The following FRMD4A variants were observed in gnomAD, a reference collection of about 807,000 sequenced individuals.
FRMD4A encodes the protein FERM domain-containing protein 4A.
A neutral mutation model predicts 129.1 loss-of-function variants in FRMD4A; 29 were observed. That is an observed-to-expected ratio of 0.22 (90% CI 0.17 to 0.31). FRMD4A has a LOEUF of 0.31. Among genes scored for constraint, FRMD4A ranks in the 10% least tolerant of loss-of-function variants. The probability of loss-of-function intolerance (pLI) is 1.00; values close to 1 mark genes in which losing one functional copy is unlikely to be tolerated. For synonymous variants in FRMD4A, 634 were observed against 571.6 expected (o/e 1.11, Z -1.56); for missense variants, 1,272 against 1,375.8 (o/e 0.92, Z 1.19).
intron 2 of FRMD4A, among the ~76,000 whole-genome samples, chr10:14,204,301 T>A (rs149274457): frequency 3.9e-5 from 6 of 152,144 alleles, no homozygotes; most frequent in Admixed American, 6.5e-5. Flanking sequence ...TGATGGTGCA[T>A]GCCTATAATC....
Position 14,020,233 on chromosome 10 carries a change from A to G in FRMD4A, c.46-161321T>C, listed in dbSNP as rs118074179. ...CTTCCTCTCACGAACCCAGCAGCAT[A>G]GCAGCAGCCAGAGACGCCCCAGAGT... On this transcript the variant is annotated intron_variant, in intron 2 of 24. Coordinates refer to ENST00000357447, the MANE Select transcript of FRMD4A (RefSeq NM_018027.5). Among the ~76,000 whole-genome samples, 456 of 152,310 alleles carry G rather than the reference A, an allele frequency of 3.0e-3. 6 individuals are homozygous for G. In the East Asian group the frequency reaches 0.06, roughly 20 times the overall value.
chr10:14,291,822 A>G (rs1347403194), intron 2 of FRMD4A, among the ~76,000 whole-genome samples: 1 of 151,862 alleles, frequency 6.6e-6, no homozygotes, highest in Non-Finnish European at 1.5e-5. Context: ...ATATATAGGA[A>G]TTGGAATTAT....
intron 2 of FRMD4A, among the ~76,000 whole-genome samples, chr10:14,201,754 C>T (rs1430392234): frequency 6.6e-6 from 1 of 152,146 alleles, no homozygotes; most frequent in Non-Finnish European, 1.5e-5. Flanking sequence ...TATCTGGACA[C>T]GTAGCAAATG....
intron 18 of FRMD4A, among the ~76,000 whole-genome samples, chr10:13,665,115 G>A (rs923366860): frequency 3.3e-5 from 5 of 151,866 alleles, no homozygotes; most frequent in Admixed American, 2.0e-4. Context: ...CAGGTGATCC[G>A]CCCGCCTCAG....
chr10:13,910,700 AT>A (rs950061059), intron 2 of FRMD4A, among the ~76,000 whole-genome samples: 21 of 152,056 alleles, frequency 1.4e-4, no homozygotes, highest in South Asian at 6.2e-4. Flanking sequence ...ACTGATAAAG[AT>A]TTTTTTTCCA....
intron 2 of FRMD4A, among the ~76,000 whole-genome samples, chr10:14,279,127 G>A (rs1031803660): frequency 4.0e-5 from 6 of 151,654 alleles, no homozygotes; most frequent in Non-Finnish European, 5.9e-5. Context: ...AGTGAGAGGT[G>A]GATTCACCTG....
At chr10:13,848,565 TCTC>T (rs896947268) in intron 3 of FRMD4A, among the ~76,000 whole-genome samples, 23 of 151,816 alleles carry the variant, frequency 1.5e-4, no homozygotes, top group African/African-American at 5.1e-4. Context: ...GATGGTCTCT[TCTC>T]CTCTCCTCAA....
At chr10:13,647,722 A>G (rs1435966511) in intron 24 of FRMD4A, 2 of 143,324 alleles carry the variant, frequency 1.4e-5, no homozygotes. Flanking sequence ...CTATAGAAGA[A>G]AATAAAAGGC....
In FRMD4A at chr10:13,670,373, G is replaced by A. The variant is rs537821486; in HGVS notation, c.1374+33C>T. 28 of 1,607,066 alleles carry A rather than the reference G, an allele frequency of 1.7e-5. No individual in the cohort carries two copies. The South Asian group carries it at 3.0e-4, about 17-fold the overall frequency. On this transcript the variant is annotated intron_variant, in intron 17 of 24. Coordinates refer to ENST00000357447, the MANE Select transcript of FRMD4A (RefSeq NM_018027.5). ...CCAATGGGAAAAACAAGGATAACATGAGAGAATCCAACAACAGAAAGGAAG... is the reference window on the plus strand; with the variant it reads ...CCAATGGGAAAAACAAGGATAACATAAGAGAATCCAACAACAGAAAGGAAG...
At chr10:13,884,376 A>G (rs1186279831) in intron 2 of FRMD4A, among the ~76,000 whole-genome samples, 2 of 152,202 alleles carry the variant, frequency 1.3e-5, no homozygotes, top group Non-Finnish European at 2.9e-5. Flanking sequence ...AATAAATGGG[A>G]AGTAGACAAA....
At chr10:13,747,312 C>A (rs1343554462) in intron 9 of FRMD4A, among the ~76,000 whole-genome samples, 1 of 151,986 alleles carries the variant, frequency 6.6e-6, no homozygotes, top group South Asian at 2.1e-4. Flanking sequence ...GCAAGCGGAT[C>A]ACCTGAGTGA....
intron 2 of FRMD4A, among the ~76,000 whole-genome samples, chr10:14,309,636 A>G (rs1444563139): frequency 6.6e-6 from 1 of 151,986 alleles, no homozygotes; most frequent in African/African-American, 2.4e-5. Context: ...TTAAGGCTTC[A>G]CTGAGCAGCA....
intron 2 of FRMD4A, among the ~76,000 whole-genome samples, chr10:14,256,794 G>A (rs1322527641): frequency 6.6e-6 from 1 of 151,536 alleles, no homozygotes; most frequent in Non-Finnish European, 1.5e-5. Context: ...ACCAGCCTGG[G>A]CCACACAGCG....
chr10:13,897,318 G>A (rs184546591), intron 2 of FRMD4A, among the ~76,000 whole-genome samples: 32 of 152,316 alleles, frequency 2.1e-4, no homozygotes, highest in African/African-American at 6.3e-4. Context: ...ATTTCAGTGG[G>A]TCAGCAGGAT....
At position 13,739,514 on chromosome 10, in the gene FRMD4A, C is replaced by G. The variant is rs373111312; in HGVS notation, c.672+680G>C. 3.9e-4 allele frequency among the ~76,000 whole-genome samples: 60 copies of G among 152,346 alleles called. No individual in the cohort carries two copies. In the South Asian group the frequency reaches 0.012, roughly 31 times the overall value. ...GAGCCATTGCTTATGCTTTGAGGTT[C>G]TAAGTGCCAAACACCTCTACTCCTT... On this transcript the variant is annotated intron_variant, in intron 11 of 24. Coordinates refer to ENST00000357447, the MANE Select transcript of FRMD4A (RefSeq NM_018027.5).
chr10:14,152,270 G>C (rs1840379371), intron 2 of FRMD4A, among the ~76,000 whole-genome samples: 1 of 151,722 alleles, frequency 6.6e-6, no homozygotes, highest in Non-Finnish European at 1.5e-5. Flanking sequence ...TGGGACTACA[G>C]ACACCCGCCA....
intron 2 of FRMD4A, among the ~76,000 whole-genome samples, chr10:14,017,053 C>T (rs1251654896): frequency 6.6e-6 from 1 of 152,216 alleles, no homozygotes; most frequent in Non-Finnish European, 1.5e-5. Flanking sequence ...AAAAGAACTC[C>T]ACTTGCCCTT....
intron 12 of FRMD4A, among the ~76,000 whole-genome samples, chr10:13,722,977 CTTAGCTACATCCCTATGCTGG>C (rs926197784): frequency 7.3e-6 from 1 of 136,292 alleles, no homozygotes; most frequent in Non-Finnish European, 1.6e-5. Flanking sequence ...CCCTATGCTG[CTTAGCTACATCCCTATGCTGG>C]TTAGCTAGGT....
rs577621457 is a variant in FRMD4A at position 13,688,935 on chromosome 10, C to T, written c.1117+4963G>A. Among the ~76,000 whole-genome samples the T allele has an allele frequency of 5.3e-5, 8 of 152,096 alleles. No individual in the cohort carries two copies. The East Asian group carries it at 1.6e-3, about 30-fold the overall frequency. The stretch of plus-strand genomic sequence containing the variant: ...ATTTCATCATGTTGGCCAGGCTAGT[C>T]TCGAACTCCTGCCTGCCTTGGCCTC... On this transcript the variant is annotated intron_variant, in intron 15 of 24. Transcript: ENST00000357447.
Sources: allele counts gnomAD v4.1 joint callset (sites outside exome capture counted in the v4.1 genomes callset), GRCh38; gene constraint gnomAD v4.1.1; transcripts MANE v1.5; gene names NCBI Gene and HGNC (gene_info 2026-07-23, HGNC 2026-07-21).